Variants in PCDH11Y observed in about 807,000 individuals in gnomAD.
PCDH11Y encodes protocadherin 11 Y-linked, also known as protocadherin-11 Y-linked.
For missense variants in PCDH11Y, 12 were observed against 224.8 expected (o/e 0.05, Z 6.05); for synonymous variants, 9 against 83.6 (o/e 0.11, Z 4.87).
intron 4 of PCDH11Y, among the ~76,000 whole-genome samples, chrY:5,638,853 C>T: frequency 1.0e-4 from 3 of 29,864 alleles, no homozygotes; most frequent in African/African-American, 3.9e-4. Flanking sequence ...CAAAAGTGTA[C>T]CCTTTATTAT....
chrY:5,401,496 T>C, intron 2 of PCDH11Y, among the ~76,000 whole-genome samples: 1 of 32,834 alleles, frequency 3.0e-5, no homozygotes, highest in Non-Finnish European at 7.4e-5. Context: ...GTTTGTTACA[T>C]AGGTGTCCAT....
At chrY:5,665,682 T>C in intron 4 of PCDH11Y, among the ~76,000 whole-genome samples, 1 of 33,756 alleles carries the variant, frequency 3.0e-5, no homozygotes, top group African/African-American at 1.1e-4. Flanking sequence ...ATCATATTAC[T>C]TGTGTTTTAT....
chrY:5,378,630 G>T (rs1602915351), intron 2 of PCDH11Y, among the ~76,000 whole-genome samples: 9 of 33,329 alleles, frequency 2.7e-4, no homozygotes, highest in African/African-American at 7.0e-4. Flanking sequence ...CACTACACTG[G>T]TAGGTGAAGA....
intron 4 of PCDH11Y, among the ~76,000 whole-genome samples, chrY:5,686,958 T>C (rs2124710215): frequency 7.3e-5 from 2 of 27,279 alleles, no homozygotes; most frequent in East Asian, 2.0e-3. Flanking sequence ...TTCTCACTTA[T>C]ACATGGGAGC....
chrY:5,619,037 AAAG>A (rs756777096), intron 4 of PCDH11Y, among the ~76,000 whole-genome samples: 1,869 of 29,764 alleles, frequency 0.063, no homozygotes, highest in Non-Finnish European at 0.1. Flanking sequence ...TGAAAGAAAG[AAAG>A]AAGAAAGAAA....
chrY:5,574,141 T>C, intron 3 of PCDH11Y: 1 of 229,410 alleles, frequency 4.4e-6, no homozygotes, highest in Non-Finnish European at 7.2e-6. Context: ...TCCCTTCAGA[T>C]GGTGCAGCTC....
intron 4 of PCDH11Y, among the ~76,000 whole-genome samples, chrY:5,614,563 C>G: frequency 3.3e-5 from 1 of 30,353 alleles, no homozygotes; most frequent in South Asian, 7.5e-4. Flanking sequence ...TGAATGTCCA[C>G]TTTGAAAACA....
intron 2 of PCDH11Y, among the ~76,000 whole-genome samples, chrY:5,436,527 T>A: frequency 6.0e-5 from 2 of 33,264 alleles, no homozygotes; most frequent in Non-Finnish European, 1.5e-4. Flanking sequence ...GTTATTTTTA[T>A]CATCAGTTTA....
intron 1 of PCDH11Y, among the ~76,000 whole-genome samples, chrY:5,081,872 C>T: frequency 6.5e-5 from 2 of 30,858 alleles, no homozygotes; most frequent in Non-Finnish European, 1.6e-4. Flanking sequence ...CTTTCTCTTG[C>T]CTGATTGTCC....
exon 3 of PCDH11Y, chrY:5,501,207 A>G: frequency 2.5e-6 from 1 of 395,871 alleles, no homozygotes; most frequent in Non-Finnish European, 3.5e-6. Context: ...TGATCGTGCT[A>G]CACCCAGCAA....
chrY:5,341,177 G>T (rs2053144419), intron 2 of PCDH11Y, among the ~76,000 whole-genome samples: 1 of 33,593 alleles, frequency 3.0e-5, no homozygotes, highest in Admixed American at 2.7e-4. Flanking sequence ...CACAATCACG[G>T]CTCATTGTAA....
At chrY:5,435,376 C>G (rs1602925041) in intron 2 of PCDH11Y, among the ~76,000 whole-genome samples, 1 of 26,131 alleles carries the variant, frequency 3.8e-5, no homozygotes, top group Non-Finnish European at 8.8e-5. Flanking sequence ...TGCAGTGGCG[C>G]AATCTCGGCT....
intron 3 of PCDH11Y, among the ~76,000 whole-genome samples, chrY:5,555,048 C>T: frequency 3.2e-5 from 1 of 31,688 alleles, no homozygotes; most frequent in Non-Finnish European, 7.7e-5. Context: ...GGGAGGGATG[C>T]TGTACCCTGC....
chrY:5,160,618 C>CT (rs2052873872), intron 2 of PCDH11Y, among the ~76,000 whole-genome samples: 2 of 31,166 alleles, frequency 6.4e-5, no homozygotes, highest in Non-Finnish European at 1.6e-4. Flanking sequence ...GGTTTAGACT[C>CT]TGACTTTTTT....
chrY:5,097,604 C>T, intron 1 of PCDH11Y, among the ~76,000 whole-genome samples: 3 of 32,114 alleles, frequency 9.3e-5, no homozygotes, highest in Admixed American at 5.8e-4. Context: ...GTTATGAGGA[C>T]GCAAAGGCAT....
At chrY:5,562,685 C>T (rs1602943565) in intron 3 of PCDH11Y, among the ~76,000 whole-genome samples, 20 of 23,126 alleles carry the variant, frequency 8.6e-4, no homozygotes, top group Non-Finnish European at 1.5e-3. Flanking sequence ...GGCGTGAACC[C>T]GGGAAGCGGA....
At chrY:5,654,370 C>A in intron 4 of PCDH11Y, among the ~76,000 whole-genome samples, 1 of 33,704 alleles carries the variant, frequency 3.0e-5, no homozygotes, top group Non-Finnish European at 7.4e-5. Context: ...CCTAGCAATT[C>A]CAGTACTGGG....
chrY:5,223,722 G>T (rs2052956455), intron 2 of PCDH11Y, among the ~76,000 whole-genome samples: 1 of 33,131 alleles, frequency 3.0e-5, no homozygotes, highest in Non-Finnish European at 7.4e-5. Context: ...CTTCCAAAGT[G>T]CTGGGATTAC....
intron 4 of PCDH11Y, among the ~76,000 whole-genome samples, chrY:5,585,552 T>C: frequency 3.0e-5 from 1 of 33,040 alleles, no homozygotes; most frequent in Admixed American, 2.8e-4. Context: ...GTTGATAGTT[T>C]ATTTTTGCTA....
Sources: gnomAD v4.1 joint callset for allele counts (sites outside exome capture counted in the v4.1 genomes callset) on GRCh38, gnomAD v4.1.1 for gene constraint, MANE v1.5 for transcripts, NCBI Gene and HGNC (gene_info 2026-07-23, HGNC 2026-07-21) for gene names.